Variants in CLVS1 observed in about 807,000 individuals in gnomAD.
CLVS1 encodes the protein clavesin-1.
In CLVS1, 10 loss-of-function variants were observed where a neutral mutation model predicts 33.1. That is an observed-to-expected ratio of 0.30 (90% CI 0.19 to 0.51). The LOEUF is 0.51. CLVS1 is among the 20% of genes least tolerant of loss of function. CLVS1 has a pLI of 0.97. For synonymous variants in CLVS1, 163 were observed against 166.1 expected, an observed-to-expected ratio of 0.98 and a Z score of 0.14; for missense variants, 343 against 433.4, an observed-to-expected ratio of 0.79 and a Z score of 1.85.
chr8:61,484,495 TATC>T (rs1803795726), intron 5 of CLVS1, among the ~76,000 whole-genome samples: 1 of 152,146 alleles, frequency 6.6e-6, no homozygotes, highest in Admixed American at 6.5e-5. Flanking sequence ...GAAGAATCAA[TATC>T]ATGAAAATGG....
intron 2 of CLVS1, among the ~76,000 whole-genome samples, chr8:61,162,023 T>C (rs534601652): frequency 1.2e-4 from 18 of 151,818 alleles, no homozygotes; most frequent in Non-Finnish European, 2.5e-4. Flanking sequence ...TTGATGAAGA[T>C]AATATGCAAA....
intron 2 of CLVS1, among the ~76,000 whole-genome samples, chr8:61,250,661 T>G (rs1012122610): frequency 2.0e-5 from 3 of 152,068 alleles, no homozygotes; most frequent in Non-Finnish European, 2.9e-5. Context: ...TCCTAGGTAT[T>G]TTATTCTCTT....
In CLVS1 at chr8:61,174,465, A is replaced by G. The variant is rs890677179; in HGVS notation, c.-152+42605A>G. 9.7e-5 allele frequency among the ~76,000 whole-genome samples: 14 copies of G among 143,716 alleles called. No homozygotes were observed. In the East Asian group the frequency reaches 1.0e-3, roughly 10 times the overall value. 94.3% of individuals were successfully genotyped at this position (143,716 alleles called of 152,430 possible). A position where few individuals can be genotyped will look rare whatever the true frequency, so the allele number is the denominator to read the frequency against. ...CAAACAAACAAACAAACAAACAAAC[A>G]AACAAAAACCATATATTTTAAAGAC... On this transcript the variant is annotated intron_variant, in intron 2 of 2. Transcript: ENST00000522621.
chr8:61,119,601 G>C (rs1018857224), intron 1 of CLVS1, among the ~76,000 whole-genome samples: 54 of 150,550 alleles, frequency 3.6e-4, no homozygotes, highest in Admixed American at 1.2e-3. Context: ...TTGCTTGTCT[G>C]TAAAGTATTT....
intron 2 of CLVS1, among the ~76,000 whole-genome samples, chr8:61,228,761 A>G (rs1330360239): frequency 6.6e-6 from 1 of 152,178 alleles, no homozygotes; most frequent in African/African-American, 2.4e-5. Context: ...TCCACTGTGT[A>G]CATGTACCAC....
At chr8:61,197,368 T>C (rs1807638440) in intron 2 of CLVS1, among the ~76,000 whole-genome samples, 1 of 152,190 alleles carries the variant, frequency 6.6e-6, no homozygotes, top group African/African-American at 2.4e-5. Flanking sequence ...TCTCTTGGGT[T>C]TGTTTCTGGG....
chr8:61,337,984 C>A (rs1322945475), intron 2 of CLVS1, among the ~76,000 whole-genome samples: 1 of 152,232 alleles, frequency 6.6e-6, no homozygotes, highest in African/African-American at 2.4e-5. Context: ...GATCTCCTCA[C>A]TTCCACATGA....
intron 2 of CLVS1, among the ~76,000 whole-genome samples, chr8:61,333,350 C>T (rs1169482498): frequency 3.3e-5 from 5 of 152,108 alleles, no homozygotes; most frequent in Admixed American, 3.3e-4. Context: ...GTTGTTAAAT[C>T]TTTACAGGCC....
intron 2 of CLVS1, among the ~76,000 whole-genome samples, chr8:61,184,980 G>A (rs549196652): frequency 6.6e-6 from 1 of 152,210 alleles, no homozygotes; most frequent in East Asian, 1.9e-4. Flanking sequence ...GTGAATATAT[G>A]TGTGTATATT....
chr8:61,322,563 A>T (rs528763175), intron 2 of CLVS1, among the ~76,000 whole-genome samples: 1 of 152,288 alleles, frequency 6.6e-6, no homozygotes, highest in East Asian at 1.9e-4. Flanking sequence ...TCAAAATTCT[A>T]GCAGCTCACC....
At chr8:61,307,310 A>G (rs531184563) in intron 2 of CLVS1, among the ~76,000 whole-genome samples, 29 of 152,344 alleles carry the variant, frequency 1.9e-4, no homozygotes, top group African/African-American at 6.5e-4. Flanking sequence ...CTTAAGGAAG[A>G]AGAGGCACTT....
chr8:61,277,403 C>T (rs940635753), intron 2 of CLVS1, among the ~76,000 whole-genome samples: 4 of 152,260 alleles, frequency 2.6e-5, no homozygotes, highest in Admixed American at 2.0e-4. Context: ...GCTACTGGTT[C>T]GGGGTCAGGT....
At chr8:60,974,804 A>G in the CLVS1 span, among the ~76,000 whole-genome samples, 41 of 152,160 alleles carry the variant, frequency 2.7e-4, no homozygotes, top group Non-Finnish European at 5.3e-4. Context: ...GAATTGCTTC[A>G]AAAATTTGAT....
intron 2 of CLVS1, among the ~76,000 whole-genome samples, chr8:61,175,652 C>T (rs141697617): frequency 6.8e-4 from 104 of 152,216 alleles, no homozygotes; most frequent in African/African-American, 1.6e-3. Context: ...GGTATACAGA[C>T]GCAGAAATTG....
chr8:61,346,058 A>G (rs1812210192), intron 2 of CLVS1, among the ~76,000 whole-genome samples: 1 of 152,220 alleles, frequency 6.6e-6, no homozygotes, highest in Non-Finnish European at 1.5e-5. Flanking sequence ...CTAATGGACT[A>G]AAAGGTAAAT....
chr8:61,047,953 T>TAA, the CLVS1 span, among the ~76,000 whole-genome samples: 1 of 151,014 alleles, frequency 6.6e-6, no homozygotes, highest in Non-Finnish European at 1.5e-5. Context: ...AATAATAAAA[T>TAA]AAAAAAAATT....
chr8:61,116,977 A>G (rs914766338), intron 1 of CLVS1, among the ~76,000 whole-genome samples: 1 of 144,750 alleles, frequency 6.9e-6, no homozygotes, highest in Non-Finnish European at 1.5e-5. Flanking sequence ...GGCCATTTTC[A>G]CAATATTGAT....
chr8:61,166,033 T>TTTTTTTTTTG (rs1563427936), intron 2 of CLVS1, among the ~76,000 whole-genome samples: 4 of 115,380 alleles, frequency 3.5e-5, no homozygotes, highest in Admixed American at 8.9e-5. Flanking sequence ...ATCTAAGCGT[T>TTTTTTTTTTG]TTTTTTTTTT....
upstream of CLVS1, among the ~76,000 whole-genome samples, chr8:61,052,928 C>T (rs1296041999): frequency 7.2e-5 from 11 of 152,260 alleles, no homozygotes; most frequent in East Asian, 1.9e-4. Flanking sequence ...AGACATTACA[C>T]GACTTGGCCC....
Sources: allele counts gnomAD v4.1 joint callset (sites outside exome capture counted in the v4.1 genomes callset), GRCh38; gene constraint gnomAD v4.1.1; transcripts MANE v1.5; gene names NCBI Gene and HGNC (gene_info 2026-07-23, HGNC 2026-07-21).